Variants in LRRTM4 observed in about 807,000 individuals in gnomAD.
LRRTM4 encodes leucine-rich repeat transmembrane neuronal protein 4.
In LRRTM4, 25 loss-of-function variants were observed where a neutral mutation model predicts 47.6. The observed-to-expected ratio is 0.53, with a 90% CI of 0.38 to 0.73. The LOEUF is 0.73. LRRTM4 is among the 30% of genes least tolerant of loss of function. The probability of loss-of-function intolerance (pLI) is 0.00; values close to 1 mark genes in which losing one functional copy is unlikely to be tolerated. For missense variants in LRRTM4, 638 were observed against 713.4 expected, an observed-to-expected ratio of 0.89 and a Z score of 1.20; for synonymous variants, 311 against 269.5, an observed-to-expected ratio of 1.15 and a Z score of -1.51.
chr2:77,172,229 T>C (rs944536344), intron 3 of LRRTM4, among the ~76,000 whole-genome samples: 1 of 152,196 alleles, frequency 6.6e-6, no homozygotes, highest in Admixed American at 6.5e-5. Flanking sequence ...TGATGAAATG[T>C]TGGGAATACA....
intron 3 of LRRTM4, among the ~76,000 whole-genome samples, chr2:76,934,982 T>C (rs966493216): frequency 5.4e-5 from 8 of 149,014 alleles, no homozygotes; most frequent in African/African-American, 1.5e-4. Context: ...AAAAAAAAGA[T>C]GACTTAGATA....
intron 3 of LRRTM4, among the ~76,000 whole-genome samples, chr2:76,942,491 AT>A (rs59455803): frequency 0.14 from 20,558 of 142,506 alleles, 1,458 homozygotes; most frequent in Non-Finnish European, 0.15. Context: ...CTGTGCTAAC[AT>A]TTTTTTTTTT....
At chr2:76,867,735 T>C (rs1028070925) in intron 3 of LRRTM4, among the ~76,000 whole-genome samples, 1 of 151,820 alleles carries the variant, frequency 6.6e-6, no homozygotes, top group Non-Finnish European at 1.5e-5. Context: ...TAAAATAGAG[T>C]TTTTTATTGT....
chr2:76,796,221 G>A (rs1162439768), intron 3 of LRRTM4, among the ~76,000 whole-genome samples: 1 of 120,286 alleles, frequency 8.3e-6, no homozygotes, highest in Non-Finnish European at 1.7e-5. Flanking sequence ...AAACTGCAAG[G>A]CGGCAGCCAG....
At chr2:76,839,300 G>A (rs192356244) in intron 3 of LRRTM4, among the ~76,000 whole-genome samples, 70 of 152,170 alleles carry the variant, frequency 4.6e-4, no homozygotes, top group African/African-American at 1.6e-3. Context: ...ACACAAGATT[G>A]CATTCACAGT....
chr2:77,510,778 T>G (rs1416547797), intron 3 of LRRTM4, among the ~76,000 whole-genome samples: 1 of 152,040 alleles, frequency 6.6e-6, no homozygotes, highest in African/African-American at 2.4e-5. Context: ...TACTCACCTT[T>G]TAGTTTTTAA....
chr2:77,429,699 C>G (rs962970351), intron 3 of LRRTM4, among the ~76,000 whole-genome samples: 14 of 151,968 alleles, frequency 9.2e-5, no homozygotes, highest in African/African-American at 3.1e-4. Flanking sequence ...TTATCAGGAG[C>G]TGGGACAGAA....
At position 76,805,460 on chromosome 2, in the gene LRRTM4, A is replaced by C. The variant is rs202220831; in HGVS notation, c.1552-56544T>G. Reference sequence around the variant, plus strand: ...TCAGGGGCTCAAGTAACATATATTTAAACATATTGAAGATTTGCTGTAGTG... The same window carrying C: ...TCAGGGGCTCAAGTAACATATATTTCAACATATTGAAGATTTGCTGTAGTG... On this transcript the variant is annotated intron_variant, in intron 3 of 3. Coordinates refer to ENST00000409884, the MANE Select transcript of LRRTM4 (RefSeq NM_001134745.3). Among the ~76,000 whole-genome samples the C allele has an allele frequency of 2.6e-5, 4 of 152,312 alleles. No homozygotes were observed. The East Asian group carries it at 5.8e-4, about 22-fold the overall frequency.
chr2:77,239,749 C>T (rs780073032), intron 3 of LRRTM4, among the ~76,000 whole-genome samples: 12 of 151,554 alleles, frequency 7.9e-5, no homozygotes, highest in Non-Finnish European at 1.5e-4. Context: ...AATAGTAGTG[C>T]TTTGAATTTA....
At chr2:76,838,869 T>C (rs1047726810) in intron 3 of LRRTM4, among the ~76,000 whole-genome samples, 2 of 152,114 alleles carry the variant, frequency 1.3e-5, no homozygotes, top group African/African-American at 4.8e-5. Context: ...ATACATTTCA[T>C]AATTCGTTAT....
At chr2:77,383,640 T>A in intron 3 of LRRTM4, among the ~76,000 whole-genome samples, 1 of 152,128 alleles carries the variant, frequency 6.6e-6, no homozygotes, top group East Asian at 1.9e-4. Context: ...CATTTGCATA[T>A]GTTGTGTCAT....
At chr2:76,853,125 G>A (rs1035555322) in intron 3 of LRRTM4, among the ~76,000 whole-genome samples, 19 of 152,054 alleles carry the variant, frequency 1.2e-4, no homozygotes, top group African/African-American at 4.1e-4. Context: ...ATATTTTTCA[G>A]TTTTGTTTTT....
At chr2:77,094,127 A>C (rs1006829993) in intron 3 of LRRTM4, among the ~76,000 whole-genome samples, 1 of 152,220 alleles carries the variant, frequency 6.6e-6, no homozygotes, top group Non-Finnish European at 1.5e-5. Flanking sequence ...TACAAAAATC[A>C]GTAGCATTTT....
At chr2:77,313,818 A>T (rs1677542346) in intron 3 of LRRTM4, among the ~76,000 whole-genome samples, 1 of 152,214 alleles carries the variant, frequency 6.6e-6, no homozygotes, top group Non-Finnish European at 1.5e-5. Context: ...GATTCTTCAA[A>T]GACTACCCAT....
chr2:77,362,165 GAAAGA>G (rs1558707450), intron 3 of LRRTM4, among the ~76,000 whole-genome samples: 2 of 151,462 alleles, frequency 1.3e-5, no homozygotes, highest in Admixed American at 6.6e-5. Context: ...AAGAAAGAAA[GAAAGA>G]AAGGAAGGAA....
intron 3 of LRRTM4, among the ~76,000 whole-genome samples, chr2:76,775,279 G>A (rs1225912273): frequency 6.6e-6 from 1 of 152,082 alleles, no homozygotes; most frequent in African/African-American, 2.4e-5. Context: ...TTCAATCATG[G>A]TTATCTTCCA....
intron 3 of LRRTM4, among the ~76,000 whole-genome samples, chr2:76,953,168 T>TA (rs35050409): frequency 1.3e-4 from 20 of 148,164 alleles, no homozygotes; most frequent in Middle Eastern, 3.6e-3. Flanking sequence ...AAAAATAAAG[T>TA]AAAAAAAAAA....
intron 3 of LRRTM4, among the ~76,000 whole-genome samples, chr2:77,181,748 A>AT (rs1348946944): frequency 2.0e-4 from 31 of 152,258 alleles, no homozygotes; most frequent in African/African-American, 7.5e-4. Flanking sequence ...TGCAAAAAAA[A>AT]GCAGTAGATG....
In LRRTM4 at chr2:76,818,507, A is replaced by C. The variant is rs142124358; in HGVS notation, c.1552-69591T>G. Among the ~76,000 whole-genome samples the C allele has an allele frequency of 2.4e-3, 370 of 151,978 alleles. 6 individuals are homozygous for C. Among genetic ancestry groups the C allele is most frequent in the African/African-American group, 8.6e-3 (356 of 41,522 alleles). ...CTGGAGTGAGCAAATGCTTGTATAA[A>C]AACTATTACACATTGAAAGAACTGT... On this transcript the variant is annotated intron_variant, in intron 3 of 3. Transcript: ENST00000409884.
Sources: allele counts gnomAD v4.1 joint callset (sites outside exome capture counted in the v4.1 genomes callset), GRCh38; gene constraint gnomAD v4.1.1; transcripts MANE v1.5; gene names NCBI Gene and HGNC (gene_info 2026-07-23, HGNC 2026-07-21).